The following PDE8B variants were observed in gnomAD, a reference collection of about 807,000 sequenced individuals.
The protein encoded by PDE8B is phosphodiesterase 8B.
A neutral mutation model predicts 101.3 loss-of-function variants in PDE8B; 26 were observed. The observed-to-expected ratio is 0.26, with a 90% CI of 0.19 to 0.36. PDE8B has a LOEUF of 0.36. Among genes scored for constraint, PDE8B ranks in the 10% least tolerant of loss-of-function variants. The pLI, the probability that PDE8B is intolerant of heterozygous loss-of-function variation, is 1.00. For missense variants in PDE8B, 810 were observed against 1,163.1 expected, an observed-to-expected ratio of 0.70 and a Z score of 4.42; for synonymous variants, 424 against 429.3, an observed-to-expected ratio of 0.99 and a Z score of 0.15.
the PDE8B span, among the ~76,000 whole-genome samples, chr5:77,182,927 C>A: frequency 6.6e-6 from 1 of 151,096 alleles, no homozygotes; most frequent in African/African-American, 2.4e-5. Context: ...ATTTTTTTTA[C>A]TAGATAATTA....
chr5:77,204,453 A>G, the PDE8B span, among the ~76,000 whole-genome samples: 1 of 152,094 alleles, frequency 6.6e-6, no homozygotes, highest in Non-Finnish European at 1.5e-5. Flanking sequence ...TTTGGCAAAC[A>G]ACAATATTTT....
At chr5:77,257,438 C>G (rs1385373664) in intron 1 of PDE8B, among the ~76,000 whole-genome samples, 1 of 151,976 alleles carries the variant, frequency 6.6e-6, no homozygotes, top group Non-Finnish European at 1.5e-5. Flanking sequence ...TAATATTAAA[C>G]AAAATGAATT....
intron 1 of PDE8B, among the ~76,000 whole-genome samples, chr5:77,228,738 G>A (rs566804590): frequency 7.2e-5 from 11 of 152,272 alleles, no homozygotes; most frequent in African/African-American, 2.4e-4. Context: ...TCGTTTGTCA[G>A]GCTGAAGAAT....
chr5:77,327,968 T>C (rs573321584), intron 3 of PDE8B, among the ~76,000 whole-genome samples: 165 of 152,222 alleles, frequency 1.1e-3, no homozygotes, highest in African/African-American at 3.2e-3. Flanking sequence ...GATGAAGCAA[T>C]ACGAGCTGGC....
At chr5:77,302,454 C>T (rs574475715) in intron 1 of PDE8B, among the ~76,000 whole-genome samples, 5 of 152,222 alleles carry the variant, frequency 3.3e-5, no homozygotes, top group African/African-American at 1.2e-4. Context: ...GGGAGGTTGA[C>T]GGTACTGCCT....
intron 1 of PDE8B, among the ~76,000 whole-genome samples, chr5:77,263,589 A>G (rs532913587): frequency 6.6e-6 from 1 of 152,250 alleles, no homozygotes; most frequent in South Asian, 2.1e-4. Context: ...ATTTGAAAAC[A>G]TGGTAATTAT....
At position 77,366,871 on chromosome 5, in the gene PDE8B, C is replaced by T. The variant is rs192105595; in HGVS notation, c.1167+13465C>T. 7.7e-4 allele frequency among the ~76,000 whole-genome samples: 117 copies of T among 152,234 alleles called. 2 individuals carry two copies. Among genetic ancestry groups the T allele is most frequent in the Admixed American group, 7.5e-3 (115 of 15,290 alleles). On this transcript the variant is annotated intron_variant, in intron 10 of 21. Coordinates refer to ENST00000264917, the MANE Select transcript of PDE8B (RefSeq NM_003719.5). Reference sequence around the variant, plus strand: ...GGCTCTAGGCCTTGCTCCTGGATGGCAGCCCCCCGGTGGCCATCAAGGGCG... The same window carrying T: ...GGCTCTAGGCCTTGCTCCTGGATGGTAGCCCCCCGGTGGCCATCAAGGGCG...
intron 8 of PDE8B, among the ~76,000 whole-genome samples, chr5:77,350,700 A>T (rs1780937562): frequency 6.6e-6 from 1 of 152,164 alleles, no homozygotes; most frequent in Non-Finnish European, 1.5e-5. Context: ...GCCTCAGTTT[A>T]CCCACCTGTA....
chr5:77,356,504 A>C (rs1411520989), intron 10 of PDE8B, among the ~76,000 whole-genome samples: 5 of 152,166 alleles, frequency 3.3e-5, no homozygotes, highest in African/African-American at 1.2e-4. Context: ...ATCTCAGCTC[A>C]CTGCAACCTC....
At chr5:77,227,750 G>A (rs1752713800) in intron 1 of PDE8B, among the ~76,000 whole-genome samples, 1 of 152,086 alleles carries the variant, frequency 6.6e-6, no homozygotes, top group Admixed American at 6.5e-5. Context: ...AGAAACTTTG[G>A]GGCAGACTGG....
intron 19 of PDE8B, among the ~76,000 whole-genome samples, chr5:77,420,996 T>C (rs1168731131): frequency 6.6e-6 from 1 of 152,192 alleles, no homozygotes; most frequent in East Asian, 1.9e-4. Flanking sequence ...GACCTAATTG[T>C]TTTTACACAA....
chr5:77,215,995 A>G (rs1749613128), intron 1 of PDE8B, among the ~76,000 whole-genome samples: 1 of 152,180 alleles, frequency 6.6e-6, no homozygotes, highest in Non-Finnish European at 1.5e-5. Context: ...GTGGTGACCA[A>G]TCGGAGGGCT....
chr5:77,248,221 A>G (rs1757355954), intron 1 of PDE8B, among the ~76,000 whole-genome samples: 1 of 152,188 alleles, frequency 6.6e-6, no homozygotes, highest in Non-Finnish European at 1.5e-5. Context: ...GGCAGGGGCT[A>G]TTGCATGTTT....
intron 1 of PDE8B, among the ~76,000 whole-genome samples, chr5:77,286,361 A>G (rs1204593678): frequency 6.6e-6 from 1 of 152,170 alleles, no homozygotes; most frequent in Non-Finnish European, 1.5e-5. Context: ...CTCATTCTCT[A>G]GTAACTCTGG....
Position 77,291,255 on chromosome 5 carries a change from C to T in PDE8B, c.340-20739C>T, listed in dbSNP as rs564167263. On this transcript the variant is annotated intron_variant, in intron 1 of 21. Coordinates refer to ENST00000264917, the MANE Select transcript of PDE8B (RefSeq NM_003719.5). ...ACTTAAAAAGGCCTACGCACAGATC[C>T]GAGTTGGGAACCCATGGGACCCTAA... 2.4e-5 allele frequency: 38 copies of T among 1,612,442 alleles called. No individual in the cohort carries two copies. The East Asian group carries it at 3.1e-4, about 13-fold the overall frequency.
intron 5 of PDE8B, 29 bp from the exon 6 acceptor site, chr5:77,337,198 C>T (rs1778356517): frequency 8.4e-7 from 1 of 1,192,528 alleles, no homozygotes; most frequent in Non-Finnish European, 1.2e-6. Context: ...TTATATATGT[C>T]TTATGTATTG....
intron 10 of PDE8B, among the ~76,000 whole-genome samples, chr5:77,366,022 C>T (rs1176666358): frequency 6.6e-6 from 1 of 152,188 alleles, no homozygotes. Context: ...CCACAGTCTA[C>T]ACCCCAAGCC....
chr5:77,181,871 G>A, the PDE8B span, among the ~76,000 whole-genome samples: 2 of 152,202 alleles, frequency 1.3e-5, no homozygotes, highest in African/African-American at 2.4e-5. Flanking sequence ...CCCCAGGGGA[G>A]GCGAGGGCCA....
intron 1 of PDE8B, among the ~76,000 whole-genome samples, chr5:77,273,701 G>A (rs1020201457): frequency 1.3e-5 from 2 of 152,182 alleles, no homozygotes; most frequent in East Asian, 1.9e-4. Context: ...AAGAAATAGG[G>A]CAAAAGCCAT....
Sources: allele counts gnomAD v4.1 joint callset (sites outside exome capture counted in the v4.1 genomes callset), GRCh38; gene constraint gnomAD v4.1.1; transcripts MANE v1.5; gene names NCBI Gene and HGNC (gene_info 2026-07-23, HGNC 2026-07-21).